ZNF727: variants seen among roughly 807,000 people sequenced by gnomAD.
The protein encoded by ZNF727 is putative zinc finger protein 727.
A neutral mutation model predicts 11.5 loss-of-function variants in ZNF727; 11 were observed. The ratio of observed to expected loss-of-function variants is 0.95; its 90% CI spans 0.60 to 1.58. The LOEUF is 1.58. ZNF727 is among the 40% of genes most tolerant of loss of function. The pLI, the probability that ZNF727 is intolerant of heterozygous loss-of-function variation, is 0.00. For missense variants in ZNF727, 533 were observed against 581.7 expected, an observed-to-expected ratio of 0.92 and a Z score of 0.86; for synonymous variants, 171 against 196.1, an observed-to-expected ratio of 0.87 and a Z score of 1.07.
intron 1 of ZNF727, among the ~76,000 whole-genome samples, chr7:64,048,837 G>A (rs1789548601): frequency 6.6e-6 from 1 of 152,140 alleles, no homozygotes. Flanking sequence ...ATGCATGAAG[G>A]TGTTCTTTGA....
intron 1 of ZNF727, among the ~76,000 whole-genome samples, chr7:64,052,376 CTCTT>C (rs1185132945): frequency 2.6e-3 from 180 of 69,890 alleles, no homozygotes; most frequent in African/African-American, 7.9e-3. Context: ...CAATTTCTCT[CTCTT>C]TTTTTTTTTT....
At chr7:64,051,016 CTG>C in intron 1 of ZNF727, among the ~76,000 whole-genome samples, 1 of 152,022 alleles carries the variant, frequency 6.6e-6, no homozygotes, top group South Asian at 2.1e-4. Context: ...CTATTTAAAG[CTG>C]TATTTAAAAT....
At chr7:64,074,543 A>T (rs1790012529) in intron 3 of ZNF727, among the ~76,000 whole-genome samples, 1 of 152,102 alleles carries the variant, frequency 6.6e-6, no homozygotes, top group Non-Finnish European at 1.5e-5. Context: ...AGTAGGGGAG[A>T]CATTGAGATT....
At chr7:64,055,477 A>G (rs955282902) in intron 1 of ZNF727, among the ~76,000 whole-genome samples, 3 of 152,036 alleles carry the variant, frequency 2.0e-5, no homozygotes, top group African/African-American at 7.2e-5. Flanking sequence ...TGCAACCATA[A>G]CCACCATTGA....
chr7:64,078,070 A>G lies in ZNF727; in HGVS notation c.1021A>G (p.Ile341Val), dbSNP rs753544508. 3 of 1,611,790 alleles carry G rather than the reference A, an allele frequency of 1.9e-6. No homozygotes were observed. Among genetic ancestry groups the G allele is most frequent in the Admixed American group, 1.7e-5 (1 of 59,612 alleles). ...AATTCATACTGGAGAGAAACCCTAC[A>G]TTTGTGAAGAATGTGGCAAAGCCTT... ...NRIHTGEKPY[I>V]CEECGKAFTY... The change falls in exon 4 of 4, where the codon ATT (isoleucine) becomes GTT (valine). Residue 341 changes from isoleucine to valine, a missense_variant. This residue lies in a region of ZNF727 where 463 missense variants were observed against 494.5 expected (regional missense o/e 0.94). Coordinates refer to ENST00000456806, the MANE Select transcript of ZNF727 (RefSeq NM_001159522.3).
intron 3 of ZNF727, among the ~76,000 whole-genome samples, chr7:64,076,670 A>G (rs1785663213): frequency 6.6e-6 from 1 of 152,148 alleles, no homozygotes; most frequent in African/African-American, 2.4e-5. Flanking sequence ...CTTGAGAAGA[A>G]TGTGTGTTCT....
In ZNF727 at chr7:64,084,712, C is replaced by T. The variant is rs1448196977; in HGVS notation, c.*6163C>T. On this transcript the variant is annotated 3_prime_UTR_variant, in exon 4 of 4. Transcript: ENST00000456806. ...CTGTTGAAAATATGACTTCTCTCGTCTGCTAAACACGTACAGACCTTTAGT... is the reference window on the plus strand; with the variant it reads ...CTGTTGAAAATATGACTTCTCTCGTTTGCTAAACACGTACAGACCTTTAGT... Among the ~76,000 whole-genome samples, 1 of 152,134 alleles carries T rather than the reference C, an allele frequency of 6.6e-6. No individual in the cohort carries two copies.
intron 1 of ZNF727, among the ~76,000 whole-genome samples, chr7:64,052,005 C>T (rs1789606302): frequency 6.6e-6 from 1 of 152,150 alleles, no homozygotes; most frequent in Non-Finnish European, 1.5e-5. Flanking sequence ...AGGTATTATA[C>T]ATAAGTTCAG....
Position 64,081,868 on chromosome 7 carries a change from C to T in ZNF727, c.*3319C>T, listed in dbSNP as rs111946919. ...GCTCTTGCACTAAACCCTCTGGGTA[C>T]CACATGAGCTGGGTTGCTGCCCCAC... is the stretch of plus-strand genomic sequence containing the variant. On this transcript the variant is annotated 3_prime_UTR_variant, in exon 4 of 4. Coordinates refer to ENST00000456806, the MANE Select transcript of ZNF727 (RefSeq NM_001159522.3). Among the ~76,000 whole-genome samples the T allele has an allele frequency of 0.027, 4,069 of 152,202 alleles. 189 individuals carry two copies. The highest frequency in any genetic ancestry group is 0.17 in the East Asian group (894 of 5,126).
At chr7:64,045,677 G>C (rs1789490496) in intron 1 of ZNF727, 53 bp downstream of exon 1, 1 of 1,552,576 alleles carries the variant, frequency 6.4e-7, no homozygotes, top group African/African-American at 1.4e-5. Flanking sequence ...GTTTGAATCC[G>C]GTCGGAACTG....
Position 64,079,079 on chromosome 7 carries a change from G to A in ZNF727, c.*530G>A, listed in dbSNP as rs760229873. On this transcript the variant is annotated 3_prime_UTR_variant, in exon 4 of 4. Transcript: ENST00000456806. ...TATGGAAGAGGGACCTTACAAATGC[G>A]AAGAATGTGGCAAAACCTTTATGTG... 2.6e-5 allele frequency among the ~76,000 whole-genome samples: 4 copies of A among 151,890 alleles called. No individual in the cohort carries two copies. The highest frequency in any genetic ancestry group is 4.4e-5 in the Non-Finnish European group (3 of 67,952).
intron 1 of ZNF727, among the ~76,000 whole-genome samples, chr7:64,054,437 A>G (rs1347879): frequency 0.64 from 97,151 of 152,036 alleles, 31,788 homozygotes; most frequent in Non-Finnish European, 0.71. Context: ...CTTCTATCTT[A>G]ATAGCTGCTG....
rs112686141 is a variant in ZNF727, at chr7:64,082,880, C to CAA, written c.*4342_*4343dup. Among the ~76,000 whole-genome samples, 90,553 of 146,574 alleles carry CAA rather than the reference C, an allele frequency of 0.62. 28,321 individuals are homozygous for CAA. Among genetic ancestry groups the CAA allele is most frequent in the Non-Finnish European group, 0.68 (45,348 of 66,472 alleles). ...CTGGTGAGAGAGCGAGACTCCGTCT[C>CAA]AAAAAAAAAAAAGAAAGAATGCAGT... On this transcript the variant is annotated 3_prime_UTR_variant, in exon 4 of 4. Coordinates refer to ENST00000456806, the MANE Select transcript of ZNF727 (RefSeq NM_001159522.3).
At chr7:64,060,093 T>A (rs1370306800) in intron 1 of ZNF727, among the ~76,000 whole-genome samples, 1 of 152,212 alleles carries the variant, frequency 6.6e-6, no homozygotes, top group Non-Finnish European at 1.5e-5. Context: ...ATAGATAGGC[T>A]TCTCAATTAA....
At chr7:64,068,801 T>A in intron 1 of ZNF727, 90 bp from the exon 2 acceptor site, 1 of 1,449,864 alleles carries the variant, frequency 6.9e-7, no homozygotes, top group South Asian at 1.2e-5. Context: ...CTCATATAAG[T>A]CAGAACCAGC....
rs1785773531 is a variant in ZNF727 at position 64,080,814 on chromosome 7, T to C, written c.*2265T>C. Among the ~76,000 whole-genome samples, 1 of 152,086 alleles carries C rather than the reference T, an allele frequency of 6.6e-6. No homozygotes were observed. On this transcript the variant is annotated 3_prime_UTR_variant, in exon 4 of 4. Transcript: ENST00000456806. ...TTGGATCCTATTTGATGGTCTTGAG[T>C]ATTTGATTGTGGTAAAAGGTGGATT...
intron 1 of ZNF727, among the ~76,000 whole-genome samples, chr7:64,051,576 A>G (rs958723353): frequency 9.9e-5 from 15 of 152,186 alleles, no homozygotes; most frequent in Admixed American, 9.8e-4. Context: ...TATGTGGGTA[A>G]TGTTTTTTGC....
intron 3 of ZNF727, among the ~76,000 whole-genome samples, chr7:64,069,967 G>A (rs1201607768): frequency 2.6e-5 from 4 of 152,060 alleles, no homozygotes; most frequent in Middle Eastern, 3.4e-3. Flanking sequence ...CTATTTTTGA[G>A]AAACTATATT....
At chr7:64,075,353 C>T (rs1790024038) in intron 3 of ZNF727, among the ~76,000 whole-genome samples, 1 of 151,888 alleles carries the variant, frequency 6.6e-6, no homozygotes, top group South Asian at 2.1e-4. Context: ...ATTTAAGTGC[C>T]TATTTCATCA....
Sources: allele counts gnomAD v4.1 joint callset (sites outside exome capture counted in the v4.1 genomes callset), GRCh38; gene constraint gnomAD v4.1.1; regional missense constraint gnomAD v4.1.1; transcripts MANE v1.5; gene names NCBI Gene and HGNC (gene_info 2026-07-23, HGNC 2026-07-21).